The following MAP2K1 variants were observed in gnomAD, a reference collection of about 807,000 sequenced individuals.
MAP2K1 encodes dual specificity mitogen-activated protein kinase kinase 1.
MAP2K1 carries 16 observed loss-of-function variants against 46.3 expected under a neutral mutation model. That is an observed-to-expected ratio of 0.35 (90% CI 0.23 to 0.52). The LOEUF (loss-of-function observed/expected upper bound fraction) is 0.52, where lower values mean the gene tolerates loss of function less well. Ranked by LOEUF, MAP2K1 falls within the 20% of genes least tolerant of loss-of-function variation. MAP2K1 has a pLI of 0.94. For missense variants in MAP2K1, 263 were observed against 497.1 expected (o/e 0.53, Z 4.48); for synonymous variants, 183 against 185.6 (o/e 0.99, Z 0.11).
At chr15:66,462,496 C>CAAAAA (rs551065737) in intron 5 of MAP2K1, among the ~76,000 whole-genome samples, 3 of 72,896 alleles carry the variant, frequency 4.1e-5, no homozygotes, top group African/African-American at 1.4e-4. Flanking sequence ...GACTCTGTCT[C>CAAAAA]AAAAAAAAAA....
At position 66,420,741 on chromosome 15, in the gene MAP2K1, G is replaced by A. The variant is rs1336548827; in HGVS notation, c.81-14286G>A. Among the ~76,000 whole-genome samples, 212 of 34,404 alleles carry A rather than the reference G, an allele frequency of 6.2e-3. 18 individuals carry two copies. Among genetic ancestry groups the A allele is most frequent in the South Asian group, 9.1e-3 (7 of 770 alleles). 22.6% of individuals were successfully genotyped at this position (34,404 alleles called of 152,430 possible). On this transcript the variant is annotated intron_variant, in intron 1 of 10. Coordinates refer to ENST00000307102, the MANE Select transcript of MAP2K1 (RefSeq NM_002755.4). Reference sequence around the variant, plus strand: ...TATATATGTGTGTGTGTGTGTGTGTGTGTGTGTGTGTGTGTGTGTATGTGT... The same window carrying A: ...TATATATGTGTGTGTGTGTGTGTGTATGTGTGTGTGTGTGTGTGTATGTGT...
Position 66,432,959 on chromosome 15 carries a change from AGT to A in MAP2K1, c.81-2027_81-2026del, listed in dbSNP as rs1164509967. Among the ~76,000 whole-genome samples, 1,049 of 131,968 alleles carry A rather than the reference AGT, an allele frequency of 7.9e-3. 13 individuals are homozygous for A. The highest frequency in any genetic ancestry group is 0.022 in the African/African-American group (791 of 35,448). 86.6% of individuals were successfully genotyped at this position (131,968 alleles called of 152,430 possible). A position where few individuals can be genotyped will look rare whatever the true frequency, so the allele number is the denominator to read the frequency against. On this transcript the variant is annotated intron_variant, in intron 1 of 10. Coordinates refer to ENST00000307102, the MANE Select transcript of MAP2K1 (RefSeq NM_002755.4). ...CTCCTTCCATTCCCCCATCATGCAC[AGT>A]GTGTGTGTGTGTGTGTGTGTGTGTG...
Position 66,396,995 on chromosome 15 carries a change from C to CTT in MAP2K1, c.80+9594_80+9595dup, listed in dbSNP as rs57043037. On this transcript the variant is annotated intron_variant, in intron 1 of 10. Transcript: ENST00000307102. ...CTACCATGCCTGGCCTGTAACGCTT[C>CTT]TTTTTTTTTTTTTTTTTTTTTTTTT... 7.9e-4 allele frequency among the ~76,000 whole-genome samples: 31 copies of CTT among 39,274 alleles called. 4 individuals are homozygous for CTT. The highest frequency in any genetic ancestry group is 2.4e-3 in the African/African-American group (24 of 9,994). The allele number at this position is 39,274 out of a possible 152,430, so 25.8% of individuals were successfully genotyped here.
At chr15:66,387,511 C>G (rs2093344757) in intron 1 of MAP2K1, 84 bp downstream of exon 1, 1 of 1,383,622 alleles carries the variant, frequency 7.2e-7, no homozygotes, top group African/African-American at 1.4e-5. Flanking sequence ...AGGCTCCGAT[C>G]TGGTTTGTCA....
intron 5 of MAP2K1, among the ~76,000 whole-genome samples, chr15:66,470,487 C>G (rs1892606651): frequency 6.6e-6 from 1 of 152,196 alleles, no homozygotes; most frequent in African/African-American, 2.4e-5. Context: ...ACTTGCCTTC[C>G]ATTGTCACGG....
chr15:66,444,534 A>G, intron 4 of MAP2K1, 122 bp from the exon 5 acceptor site: 1 of 787,752 alleles, frequency 1.3e-6, no homozygotes, highest in South Asian at 1.4e-5. Context: ...ACTGCGTCTC[A>G]AAGGAGGAAG....
chr15:66,459,845 G>C (rs1892272710), intron 5 of MAP2K1, among the ~76,000 whole-genome samples: 1 of 152,178 alleles, frequency 6.6e-6, no homozygotes, highest in Non-Finnish European at 1.5e-5. Flanking sequence ...GTTTGTAGCA[G>C]ACTCACACGT....
At chr15:66,433,620 G>C (rs956977829) in intron 1 of MAP2K1, among the ~76,000 whole-genome samples, 2 of 152,154 alleles carry the variant, frequency 1.3e-5, no homozygotes, top group African/African-American at 4.8e-5. Context: ...TCATTTCCCT[G>C]TCTTCTAGAG....
chr15:66,444,859 T>G lies in MAP2K1; in HGVS notation c.568+152T>G, dbSNP rs1891820721. Reference sequence around the variant, plus strand: ...AAAAGTCTTTGTTTAGTTTGGTGGCTGAGGCAGCAACTCCTACCCTCTTTT... The same window carrying G: ...AAAAGTCTTTGTTTAGTTTGGTGGCGGAGGCAGCAACTCCTACCCTCTTTT... On this transcript the variant is annotated intron_variant, in intron 5 of 10. Coordinates refer to ENST00000307102, the MANE Select transcript of MAP2K1 (RefSeq NM_002755.4). The G allele has an allele frequency of 4.3e-6, 3 of 698,514 alleles. No homozygotes were observed. In the South Asian group the frequency reaches 5.0e-5, roughly 12 times the overall value. The allele number at this position is 698,514 out of a possible 1,614,324, so 43.3% of individuals were successfully genotyped here. A position where few individuals can be genotyped will look rare whatever the true frequency, so the allele number is the denominator to read the frequency against.
At chr15:66,390,486 G>T (rs2093353865) in intron 1 of MAP2K1, among the ~76,000 whole-genome samples, 1 of 152,130 alleles carries the variant, frequency 6.6e-6, no homozygotes, top group South Asian at 2.1e-4. Flanking sequence ...CTTTTCCCTT[G>T]GCACCTGTGC....
chr15:66,483,016 A>G (rs1892949100), intron 6 of MAP2K1, among the ~76,000 whole-genome samples: 1 of 152,148 alleles, frequency 6.6e-6, no homozygotes, highest in Non-Finnish European at 1.5e-5. Context: ...TTGTCCCAGG[A>G]AATAAAGATT....
chr15:66,476,276 G>T (rs1305684055), intron 5 of MAP2K1, among the ~76,000 whole-genome samples: 1 of 152,184 alleles, frequency 6.6e-6, no homozygotes, highest in African/African-American at 2.4e-5. Context: ...TCACCTTTCA[G>T]TTATCAAAGG....
At chr15:66,469,721 C>T (rs867605356) in intron 5 of MAP2K1, among the ~76,000 whole-genome samples, 1 of 144,622 alleles carries the variant, frequency 6.9e-6, no homozygotes, top group Non-Finnish European at 1.5e-5. Context: ...CACACACACA[C>T]ACATATCGGA....
chr15:66,452,471 CTG>C (rs1892058222), intron 5 of MAP2K1, among the ~76,000 whole-genome samples: 1 of 152,022 alleles, frequency 6.6e-6, no homozygotes. Flanking sequence ...CTTAAGACCT[CTG>C]AGTTCCATGT....
At chr15:66,413,911 CTTTT>C (rs10649963) in intron 1 of MAP2K1, among the ~76,000 whole-genome samples, 1 of 111,538 alleles carries the variant, frequency 9.0e-6, no homozygotes, top group South Asian at 3.0e-4. Context: ...TCTTCTTCTT[CTTTT>C]TTTTTTTTTT....
At chr15:66,389,528 A>G (rs986907127) in intron 1 of MAP2K1, among the ~76,000 whole-genome samples, 3 of 150,836 alleles carry the variant, frequency 2.0e-5, no homozygotes, top group African/African-American at 7.3e-5. Context: ...TTAAAAGGTA[A>G]GGGCTCTGGA....
At chr15:66,412,288 A>G (rs1306384899) in intron 1 of MAP2K1, among the ~76,000 whole-genome samples, 1 of 152,202 alleles carries the variant, frequency 6.6e-6, no homozygotes, top group Non-Finnish European at 1.5e-5. Flanking sequence ...GTGGGCTGGT[A>G]GACAGAATGG....
chr15:66,484,848 GGC>G, intron 6 of MAP2K1, 140 bp from the exon 7 acceptor site: 1 of 788,846 alleles, frequency 1.3e-6, no homozygotes, highest in Admixed American at 1.7e-5. Context: ...GTTGGGGGTA[GGC>G]AGGAGGCCAA....
chr15:66,394,553 T>C (rs2093363377), intron 1 of MAP2K1, among the ~76,000 whole-genome samples: 1 of 151,438 alleles, frequency 6.6e-6, no homozygotes, highest in Admixed American at 6.6e-5. Flanking sequence ...ACTCCTGGGT[T>C]CAGGGAATCC....
Sources: gnomAD v4.1 joint callset for allele counts (sites outside exome capture counted in the v4.1 genomes callset) on GRCh38, gnomAD v4.1.1 for gene constraint, MANE v1.5 for transcripts, NCBI Gene and HGNC (gene_info 2026-07-23, HGNC 2026-07-21) for gene names.